Variants in ATP11A observed in about 807,000 individuals in gnomAD.
ATP11A encodes the protein ATPase phospholipid transporting 11A, also known as phospholipid-transporting ATPase IH.
A neutral mutation model predicts 154.4 loss-of-function variants in ATP11A; 81 were observed. That is an observed-to-expected ratio of 0.52 (90% CI 0.44 to 0.63). The LOEUF is 0.63. Ranked by LOEUF, ATP11A falls within the 30% of genes least tolerant of loss-of-function variation. The pLI is 0.00. For missense variants in ATP11A, 1,316 were observed against 1,474.3 expected (o/e 0.89, Z 1.76); for synonymous variants, 623 against 585.9 (o/e 1.06, Z -0.91).
At chr13:112,849,670 A>G (rs1320827081) in intron 17 of ATP11A, among the ~76,000 whole-genome samples, 1 of 152,230 alleles carries the variant, frequency 6.6e-6, no homozygotes, top group African/African-American at 2.4e-5. Context: ...AAAAGATCTA[A>G]TTTCAACCAC....
At chr13:112,881,803 G>T (rs113739799) in intron 29 of ATP11A, 73 bp from the exon 30 acceptor site, 5 of 1,366,244 alleles carry the variant, frequency 3.7e-6, no homozygotes, top group Non-Finnish European at 4.9e-6. Flanking sequence ...CATGTGTCTC[G>T]TTCTCTCAGC....
chr13:112,736,671 G>C (rs888343408), intron 1 of ATP11A, among the ~76,000 whole-genome samples: 2 of 152,144 alleles, frequency 1.3e-5, no homozygotes, highest in African/African-American at 4.8e-5. Flanking sequence ...TTTCTATATT[G>C]AGTACATTTT....
rs554776247 is a variant in ATP11A at position 112,697,434 on chromosome 13, A to C, written c.39+6979A>C. Among the ~76,000 whole-genome samples the C allele has an allele frequency of 1.3e-5, 2 of 152,038 alleles. No homozygotes were observed. The highest frequency in any genetic ancestry group is 3.9e-4 in the East Asian group (2 of 5,166). On this transcript the variant is annotated intron_variant, in intron 1 of 29. Coordinates refer to ENST00000375645, the MANE Select transcript of ATP11A (RefSeq NM_015205.3). The surrounding 1 kb of genome is among the most constrained non-coding windows in gnomAD (Gnocchi z 4.0). Reference sequence around the variant, plus strand: ...ACCCCAGGTCATTAGTGTTAATCAGAGTGATGAAGAGGTTGCCATTGGCAA... The same window carrying C: ...ACCCCAGGTCATTAGTGTTAATCAGCGTGATGAAGAGGTTGCCATTGGCAA...
At chr13:112,858,013 C>T (rs2140349100) in intron 21 of ATP11A, 93 bp downstream of exon 21, 7 of 1,559,538 alleles carry the variant, frequency 4.5e-6, no homozygotes, top group Non-Finnish European at 6.2e-6. Flanking sequence ...GCATTCAGGA[C>T]ACCCCCGTCA....
intron 1 of ATP11A, among the ~76,000 whole-genome samples, chr13:112,703,534 G>T (rs1225031125): frequency 2.6e-5 from 4 of 152,210 alleles, no homozygotes; most frequent in Non-Finnish European, 5.9e-5. Context: ...ATTACGCCTT[G>T]TCTGTTGCTT....
At chr13:112,713,144 C>G (rs1360064200) in intron 1 of ATP11A, among the ~76,000 whole-genome samples, 1 of 152,198 alleles carries the variant, frequency 6.6e-6, no homozygotes, top group African/African-American at 2.4e-5. Flanking sequence ...CACCTGGAAT[C>G]CCAGCACTTT....
rs552126981 is a variant in ATP11A at position 112,696,555 on chromosome 13, C to T, written c.39+6100C>T. Among the ~76,000 whole-genome samples, 3 of 152,252 alleles carry T rather than the reference C, an allele frequency of 2.0e-5. No homozygotes were observed. The East Asian group carries it at 5.8e-4, about 29-fold the overall frequency. On this transcript the variant is annotated intron_variant, in intron 1 of 29. Transcript: ENST00000375645. The surrounding 1 kb of genome is among the most constrained non-coding windows in gnomAD (Gnocchi z 6.2). ...CTGCTTGCCGTCCCGCTGTTGGCAC[C>T]GCTTTAGACCCCATATTTCCCAGCG...
intron 9 of ATP11A, among the ~76,000 whole-genome samples, chr13:112,824,058 G>A (rs989487296): frequency 2.6e-5 from 4 of 152,098 alleles, no homozygotes; most frequent in Non-Finnish European, 4.4e-5. Context: ...TCCATCCCCA[G>A]TTGGTAGAAC....
At chr13:112,823,579 A>G (rs541263319) in intron 9 of ATP11A, among the ~76,000 whole-genome samples, 170 bp downstream of exon 9, 2 of 152,370 alleles carry the variant, frequency 1.3e-5, no homozygotes, top group South Asian at 2.1e-4. Flanking sequence ...AATAAGTGCA[A>G]TCCTGAAGCA....
intron 1 of ATP11A, among the ~76,000 whole-genome samples, chr13:112,779,477 C>T (rs2077446341): frequency 6.6e-6 from 1 of 152,106 alleles, no homozygotes; most frequent in Non-Finnish European, 1.5e-5. Flanking sequence ...GGCAGCAATA[C>T]CCCATCTTTA....
intron 1 of ATP11A, among the ~76,000 whole-genome samples, chr13:112,764,095 G>C (rs17121640): frequency 0.067 from 10,185 of 152,274 alleles, 1,171 homozygotes; most frequent in African/African-American, 0.23. Context: ...GGAGTTGTTA[G>C]GATCTTGGAA....
At chr13:112,711,235 G>A (rs1032658287) in intron 1 of ATP11A, among the ~76,000 whole-genome samples, 15 of 152,146 alleles carry the variant, frequency 9.9e-5, no homozygotes, top group Non-Finnish European at 2.1e-4. Context: ...GGTAGTATTC[G>A]CTCTAAAATT....
chr13:112,690,602 G>T lies in ATP11A; in HGVS notation c.39+147G>T. The T allele has an allele frequency of 2.7e-6, 2 of 747,762 alleles. No individual in the cohort carries two copies. The highest frequency in any genetic ancestry group is 3.6e-6 in the Non-Finnish European group (2 of 551,442). The allele number at this position is 747,762 out of a possible 1,614,324, so 46.3% of individuals were successfully genotyped here. A position where few individuals can be genotyped will look rare whatever the true frequency, so the allele number is the denominator to read the frequency against. On this transcript the variant is annotated intron_variant, in intron 1 of 29. Coordinates refer to ENST00000375645, the MANE Select transcript of ATP11A (RefSeq NM_015205.3). This position sits in a 1 kb window ranked among gnomAD's most constrained non-coding sequence, Gnocchi z 5.6. ...TCGGACCGCCCCCGGGGACGAGCGG[G>T]ATGCTGGGGAGGGGCCTCGGAGTTG... is the stretch of plus-strand genomic sequence containing the variant.
chr13:112,885,962 T>A lies in ATP11A; in HGVS notation c.*4096T>A, dbSNP rs1566617430. On this transcript the variant is annotated 3_prime_UTR_variant, in exon 30 of 30. Coordinates refer to ENST00000375645, the MANE Select transcript of ATP11A (RefSeq NM_015205.3). The stretch of plus-strand genomic sequence containing the variant: ...ACAAGGCCCTTCCCCTTTAGGGAGG[T>A]CCAGCCTCGCAAGCTGAAACCTCCC... 6.6e-6 allele frequency: 1 copy of A among 152,184 alleles called. No individual in the cohort carries two copies. Among genetic ancestry groups the A allele is most frequent in the Non-Finnish European group, 1.5e-5 (1 of 68,070 alleles). The allele number at this position is 152,184 out of a possible 1,614,324, so 9.4% of individuals were successfully genotyped here.
chr13:112,757,046 T>G (rs2076857711), intron 1 of ATP11A, among the ~76,000 whole-genome samples: 1 of 152,266 alleles, frequency 6.6e-6, no homozygotes, highest in African/African-American at 2.4e-5. Context: ...GAGCACCTAC[T>G]GTACATGAGA....
intron 2 of ATP11A, among the ~76,000 whole-genome samples, chr13:112,791,670 G>A (rs2077861814): frequency 6.6e-6 from 1 of 152,196 alleles, no homozygotes; most frequent in African/African-American, 2.4e-5. Flanking sequence ...GTCACTGCAG[G>A]CAGTGGCCTC....
At chr13:112,818,786 G>C (rs1452143079) in intron 6 of ATP11A, among the ~76,000 whole-genome samples, 4 of 152,268 alleles carry the variant, frequency 2.6e-5, no homozygotes, top group African/African-American at 9.6e-5. Flanking sequence ...AGGTGCTTCA[G>C]AAGCTCTGGG....
chr13:112,869,506 G>A (rs538804775), intron 25 of ATP11A, among the ~76,000 whole-genome samples: 5 of 152,334 alleles, frequency 3.3e-5, no homozygotes, highest in Admixed American at 3.3e-4. Context: ...CACCTGTGGC[G>A]CTGTTGGTGA....
chr13:112,774,035 C>A (rs2077288655), intron 1 of ATP11A, among the ~76,000 whole-genome samples: 1 of 152,212 alleles, frequency 6.6e-6, no homozygotes, highest in Admixed American at 6.5e-5. Context: ...TCCCTGCTTC[C>A]CGTCCACCTC....
Sources: allele counts gnomAD v4.1 joint callset (sites outside exome capture counted in the v4.1 genomes callset), GRCh38; gene constraint gnomAD v4.1.1; non-coding constraint Gnocchi (gnomAD v3.1); transcripts MANE v1.5; gene names NCBI Gene and HGNC (gene_info 2026-07-23, HGNC 2026-07-21).